Variants in GBP4 observed in about 807,000 individuals in gnomAD.
GBP4 encodes the protein guanylate-binding protein 4.
GBP4 carries 69 observed loss-of-function variants against 62.2 expected under a neutral mutation model. The ratio of observed to expected loss-of-function variants is 1.11; its 90% CI spans 0.91 to 1.36. GBP4 has a LOEUF of 1.36. Among genes scored for constraint, GBP4 ranks in the 40% most tolerant of loss-of-function variants. The probability of loss-of-function intolerance (pLI) is 0.00; values close to 1 mark genes in which losing one functional copy is unlikely to be tolerated. For synonymous variants in GBP4, 278 were observed against 274.6 expected (o/e 1.01, Z -0.12); for missense variants, 697 against 759.3 (o/e 0.92, Z 0.96).
At position 89,190,094 on chromosome 1, in the gene GBP4, C is replaced by T; in HGVS notation, c.1141G>A (p.Val381Ile). ...TCCTTGAAGGAGTGCTCCATGAAGA[C>T]TGCAATGGCTTCCCTCTCACAGGCT... Reference protein sequence around the residue: ...HAACEREAIAVFMEHSFKDEN... With the variant: ...HAACEREAIAIFMEHSFKDEN... Residue 381 changes from valine to isoleucine, a missense_variant, in exon 7 of 11, where the codon GTC becomes ATC. Transcript: ENST00000355754. 2.5e-6 allele frequency: 4 copies of T among 1,614,150 alleles called. No homozygotes were observed. Among genetic ancestry groups the T allele is most frequent in the Non-Finnish European group, 3.4e-6 (4 of 1,179,992 alleles).
chr1:89,190,036 A>G lies in GBP4; in HGVS notation c.1197+2T>C, dbSNP rs201246795. On this transcript the variant is annotated splice_donor_variant, in intron 7 of 10. Coordinates refer to ENST00000355754, the MANE Select transcript of GBP4 (RefSeq NM_052941.5). LOFTEE classifies it high-confidence loss of function. ...ATCAGGAAGGATAAATGCTAAAAGT[A>G]CCACAAGCTTCTTCTGGAATTCATG... is the stretch of plus-strand genomic sequence containing the variant. The G allele has an allele frequency of 1.9e-6, 3 of 1,604,338 alleles. No homozygotes were observed. The highest frequency in any genetic ancestry group is 2.7e-5 in the African/African-American group (2 of 74,778).
chr1:89,186,630 G>T, intron 9 of GBP4, 104 bp from the exon 10 acceptor site: 1 of 1,013,644 alleles, frequency 9.9e-7, no homozygotes, highest in South Asian at 1.7e-5. Flanking sequence ...ACAAAGGTGA[G>T]GGATTGGGAA....
rs757809953 is a variant in GBP4 at position 89,197,104 on chromosome 1, A to G, written c.235+6T>C. On this transcript the variant is annotated splice_donor_region_variant and intron_variant, in intron 2 of 10. Coordinates refer to ENST00000355754, the MANE Select transcript of GBP4 (RefSeq NM_052941.5). ...TAAATGGCTCCTGTCCTAGGACCAC[A>G]CTCACCATTGCGCTTTCCTGCAAGA... 1.2e-6 allele frequency: 2 copies of G among 1,607,826 alleles called. No homozygotes were observed. Among genetic ancestry groups the G allele is most frequent in the East Asian group, 2.2e-5 (1 of 44,782 alleles).
In GBP4 at chr1:89,182,169, A is replaced by G. The variant is rs1647898250; in HGVS notation, c.*3085T>C. The G allele has an allele frequency of 6.6e-6, 1 of 152,190 alleles. No homozygotes were observed. The highest frequency in any genetic ancestry group is 1.5e-5 in the Non-Finnish European group (1 of 68,018). 9.4% of individuals were successfully genotyped at this position (152,190 alleles called of 1,614,324 possible). On this transcript the variant is annotated 3_prime_UTR_variant, in exon 11 of 11. Transcript: ENST00000355754. ...TACAAGGAGTTCATTCTGTAGCAGG[A>G]TGAGCTGCAGACAAAACTTCTCAGA...
chr1:89,190,325 C>G lies in GBP4; in HGVS notation c.917-7G>C. On this transcript the variant is annotated splice_polypyrimidine_tract_variant and splice_region_variant and intron_variant, in intron 6 of 10. Coordinates refer to ENST00000355754, the MANE Select transcript of GBP4 (RefSeq NM_052941.5). ...ACCACCAGAGTCCCCAGCCCTGAAT[C>G]ACATATATTTAGGGAAAATTTACAG... is the stretch of plus-strand genomic sequence containing the variant. 3.2e-6 allele frequency: 5 copies of G among 1,581,904 alleles called. No homozygotes were observed. Among genetic ancestry groups the G allele is most frequent in the Non-Finnish European group, 4.3e-6 (5 of 1,157,936 alleles).
At position 89,188,812 on chromosome 1, in the gene GBP4, A is replaced by C. The variant is rs1053969402; in HGVS notation, c.1198-18T>G. 4 of 1,612,736 alleles carry C rather than the reference A, an allele frequency of 2.5e-6. No homozygotes were observed. The Admixed American group carries it at 6.7e-5, about 27-fold the overall frequency. On this transcript the variant is annotated intron_variant, in intron 7 of 10. Coordinates refer to ENST00000355754, the MANE Select transcript of GBP4 (RefSeq NM_052941.5). ...ATGGTGTCCTGCCAGAAAAATGTAG[A>C]GAAAACAGTAGAAAGAAGCTGTTAG... is the stretch of plus-strand genomic sequence containing the variant.
At position 89,193,366 on chromosome 1, in the gene GBP4, A is replaced by G; in HGVS notation, c.410T>C (p.Leu137Pro). 1 of 1,614,218 alleles carries G rather than the reference A, an allele frequency of 6.2e-7. No homozygotes were observed. Among genetic ancestry groups the G allele is most frequent in the Non-Finnish European group, 8.5e-7 (1 of 1,180,024 alleles). The change falls in exon 4 of 11, where the codon CTA (leucine) becomes CCA (proline). Residue 137 changes from leucine (L) to proline (P), a missense_variant. Around this residue, in one of 2 missense-constraint regions of GBP4, gnomAD observed 556 missense variants for 562.7 expected, o/e 0.99. Coordinates refer to ENST00000355754, the MANE Select transcript of GBP4 (RefSeq NM_052941.5). ...DSWIFALAVL[L>P]SSSFVYNSVS... ...GCTGTTATAGACAAAGCTGCTGCTT[A>G]GAAGCACAGCCAGGGCAAAGATCCA...
chr1:89,184,580 A>G lies in GBP4; in HGVS notation c.*674T>C, dbSNP rs1172823428. The G allele has an allele frequency of 6.6e-6, 1 of 152,210 alleles. No homozygotes were observed. Among genetic ancestry groups the G allele is most frequent in the Non-Finnish European group, 1.5e-5 (1 of 68,042 alleles). 9.4% of individuals were successfully genotyped at this position (152,210 alleles called of 1,614,324 possible). A position where few individuals can be genotyped will look rare whatever the true frequency, so the allele number is the denominator to read the frequency against. On this transcript the variant is annotated 3_prime_UTR_variant, in exon 11 of 11. Coordinates refer to ENST00000355754, the MANE Select transcript of GBP4 (RefSeq NM_052941.5). Reference sequence around the variant, plus strand: ...GGATGGAGCTGGAAGCCATTATCATAAGCAAACTAACACAGGAACAGAAAC... The same window carrying G: ...GGATGGAGCTGGAAGCCATTATCATGAGCAAACTAACACAGGAACAGAAAC...
rs750852631 is a variant in GBP4, at chr1:89,188,713, G to T, written c.1279C>A (p.Arg427=). Residue 427 remains arginine (R), a synonymous_variant, in exon 8 of 11, where the codon CGG becomes AGG. Coordinates refer to ENST00000355754, the MANE Select transcript of GBP4 (RefSeq NM_052941.5). ...CTTTCTGTCAGGTGCTCTGAAAGCC[G>T]CTTAAGCTCAGCCTGGCAATATTTG... The part of the protein sequence containing the change: ...SAKYCQAELK[R]LSEHLTESIL... 2.0e-5 allele frequency: 33 copies of T among 1,614,214 alleles called. No homozygotes were observed. The highest frequency in any genetic ancestry group is 6.7e-5 in the Admixed American group (4 of 60,032).
In GBP4 at chr1:89,191,925, T is replaced by C. The variant is rs185339630; in HGVS notation, c.671-419A>G. 2.1e-3 allele frequency among the ~76,000 whole-genome samples: 327 copies of C among 152,270 alleles called. 1 individual carries two copies. The highest frequency in any genetic ancestry group is 7.2e-3 in the African/African-American group (298 of 41,546). ...AGCAACGCTAGAAATAAGAAAAATA[T>C]GTTTCTTAGAAAAATATCATGAAGG... On this transcript the variant is annotated intron_variant, in intron 5 of 10. Coordinates refer to ENST00000355754, the MANE Select transcript of GBP4 (RefSeq NM_052941.5).
Position 89,195,374 on chromosome 1 carries a change from A to T in GBP4, c.286T>A (p.Trp96Arg). The T allele has an allele frequency of 6.2e-7, 1 of 1,614,076 alleles. No homozygotes were observed. Among genetic ancestry groups the T allele is most frequent in the Non-Finnish European group, 8.5e-7 (1 of 1,179,936 alleles). The change falls in exon 3 of 11, where the codon TGG becomes AGG. Residue 96 changes from tryptophan (W) to arginine (R), a missense_variant. By Grantham distance (101) the Trp-to-Arg change is moderately radical (BLOSUM62 -3). This residue lies in a region of GBP4 where 556 missense variants were observed against 562.7 expected (regional missense o/e 0.99). Transcript: ENST00000355754. ...VQSETKGIWM[W>R]CVPHLSKPNH... ...GGCTTAGAGAGGTGGGGCACACACC[A>T]CATCCAGATGCCCTTAGTTTCAGAC... is the stretch of plus-strand genomic sequence containing the variant.
chr1:89,193,134 C>T (rs1266512095), intron 4 of GBP4, 34 bp from the exon 5 acceptor site: 12 of 1,598,634 alleles, frequency 7.5e-6, no homozygotes, highest in Non-Finnish European at 9.4e-6. Context: ...TAGCACCCTA[C>T]ACCATCATTT....
chr1:89,192,055 C>T (rs964804238), intron 5 of GBP4, among the ~76,000 whole-genome samples: 1 of 152,116 alleles, frequency 6.6e-6, no homozygotes, highest in Admixed American at 6.5e-5. Context: ...TCTGAAAAAT[C>T]CAGAGTAAAG....
At chr1:89,195,204 T>A in intron 3 of GBP4, 93 bp downstream of exon 3, 1 of 1,268,654 alleles carries the variant, frequency 7.9e-7, no homozygotes, top group East Asian at 2.4e-5. Context: ...TAATTAGATT[T>A]GAGTTTACAG....
At chr1:89,187,747 C>G (rs1358123054) in intron 8 of GBP4, among the ~76,000 whole-genome samples, 1 of 152,158 alleles carries the variant, frequency 6.6e-6, no homozygotes, top group Non-Finnish European at 1.5e-5. Flanking sequence ...GTCAACATCA[C>G]TAATCATCAG....
At chr1:89,193,260 C>T in intron 4 of GBP4, 43 bp downstream of exon 4, 3 of 1,589,704 alleles carry the variant, frequency 1.9e-6, no homozygotes, top group Non-Finnish European at 2.6e-6. Context: ...TTCCCATTCC[C>T]CTAAACCCCA....
intron 3 of GBP4, 95 bp from the exon 4 acceptor site, chr1:89,193,507 G>T: frequency 9.1e-7 from 1 of 1,097,684 alleles, no homozygotes; most frequent in Non-Finnish European, 1.4e-6. Flanking sequence ...CTGTATGATA[G>T]TTGAATAATA....
rs1290736771 is a variant in GBP4 at position 89,197,211 on chromosome 1, ATCT to A, written c.131_133del (p.Glu44_Ile45delinsVal). On this transcript the variant is annotated inframe_deletion, in exon 2 of 11. Coordinates refer to ENST00000355754, the MANE Select transcript of GBP4 (RefSeq NM_052941.5). ...CACGGGCTGAGAAATCTTGTCAAGA[ATCT>A]CTAATGCCTTTGAATTCACTGTCAG... The A allele has an allele frequency of 3.1e-6, 5 of 1,614,028 alleles. No homozygotes were observed. Among genetic ancestry groups the A allele is most frequent in the Non-Finnish European group, 4.2e-6 (5 of 1,180,012 alleles).
intron 3 of GBP4, among the ~76,000 whole-genome samples, chr1:89,194,517 G>A (rs2100678742): frequency 6.6e-6 from 1 of 152,296 alleles, no homozygotes; most frequent in East Asian, 1.9e-4. Flanking sequence ...CTAAGTTGGT[G>A]CTTCCTTCCC....
Sources: allele counts gnomAD v4.1 joint callset (sites outside exome capture counted in the v4.1 genomes callset), GRCh38; gene constraint gnomAD v4.1.1; regional missense constraint gnomAD v4.1.1; transcripts MANE v1.5; gene names NCBI Gene and HGNC (gene_info 2026-07-23, HGNC 2026-07-21).